The following EXOC4 variants were observed in gnomAD, a reference collection of about 807,000 sequenced individuals.
EXOC4 encodes SEC8-like 1.
EXOC4 carries 71 observed loss-of-function variants against 107.2 expected under a neutral mutation model. The ratio of observed to expected loss-of-function variants is 0.66; its 90% CI spans 0.55 to 0.81. The LOEUF is 0.81. EXOC4 is among the 30% of genes least tolerant of loss of function. EXOC4 has a pLI of 0.00. For synonymous variants in EXOC4, 456 were observed against 441.2 expected, an observed-to-expected ratio of 1.03 and a Z score of -0.42; for missense variants, 1,108 against 1,189.6, an observed-to-expected ratio of 0.93 and a Z score of 1.01.
At chr7:133,285,191 G>C (rs1794246830) in intron 2 of EXOC4, among the ~76,000 whole-genome samples, 1 of 152,076 alleles carries the variant, frequency 6.6e-6, no homozygotes, top group Non-Finnish European at 1.5e-5. Flanking sequence ...GTACATCTAA[G>C]CCATACAGCA....
intron 10 of EXOC4, among the ~76,000 whole-genome samples, chr7:133,752,030 G>T (rs1472560063): frequency 7.5e-6 from 1 of 133,816 alleles, no homozygotes; most frequent in African/African-American, 2.5e-5. Flanking sequence ...GGGCACTGTG[G>T]TATGCCTATA....
intron 5 of EXOC4, among the ~76,000 whole-genome samples, chr7:133,341,538 C>A (rs2150626819): frequency 6.6e-6 from 1 of 152,240 alleles, no homozygotes; most frequent in East Asian, 1.9e-4. Flanking sequence ...ACATAAATAT[C>A]TGTTATGTCC....
intron 7 of EXOC4, among the ~76,000 whole-genome samples, chr7:133,470,173 AAAT>A (rs1233661232): frequency 6.6e-6 from 1 of 152,198 alleles, no homozygotes; most frequent in African/African-American, 2.4e-5. Flanking sequence ...TAGCTGGGAT[AAAT>A]GGAGAAGCTA....
chr7:133,475,917 G>T (rs1007804092), intron 8 of EXOC4, among the ~76,000 whole-genome samples: 1 of 151,406 alleles, frequency 6.6e-6, no homozygotes, highest in Admixed American at 6.6e-5. Flanking sequence ...AACAATCTGG[G>T]TTTTTTTTTA....
intron 14 of EXOC4, among the ~76,000 whole-genome samples, chr7:133,968,054 T>C (rs1215193266): frequency 2.6e-5 from 4 of 152,256 alleles, no homozygotes; most frequent in Non-Finnish European, 5.9e-5. Flanking sequence ...TTAGCTCTTC[T>C]TGTTGCATTA....
chr7:134,066,249 G>C (rs1203037612), downstream of EXOC4: 1 of 152,156 alleles, frequency 6.6e-6, no homozygotes, highest in African/African-American at 2.4e-5. Context: ...TTTTCTTCCT[G>C]TCCACTCCAG....
intron 10 of EXOC4, among the ~76,000 whole-genome samples, chr7:133,642,017 T>C (rs567163601): frequency 6.6e-6 from 1 of 152,310 alleles, no homozygotes; most frequent in South Asian, 2.1e-4. Flanking sequence ...CTCAACTCAT[T>C]ATATTTTCTT....
At chr7:133,434,556 T>A (rs1797925427) in intron 7 of EXOC4, among the ~76,000 whole-genome samples, 3 of 152,190 alleles carry the variant, frequency 2.0e-5, no homozygotes, top group Admixed American at 6.5e-5. Context: ...TGGGGGCTGC[T>A]TTTATTTCCC....
chr7:133,687,991 C>CT (rs891662163), intron 10 of EXOC4, among the ~76,000 whole-genome samples: 2 of 152,070 alleles, frequency 1.3e-5, no homozygotes, highest in Admixed American at 6.6e-5. Flanking sequence ...GTGAAATTTA[C>CT]TTTTTTTAGG....
At chr7:133,735,312 G>A (rs1795422088) in intron 10 of EXOC4, among the ~76,000 whole-genome samples, 1 of 142,802 alleles carries the variant, frequency 7.0e-6, no homozygotes, top group East Asian at 2.1e-4. Context: ...TGAAACATCA[G>A]TTTAAGCAGT....
intron 11 of EXOC4, among the ~76,000 whole-genome samples, chr7:133,885,864 A>G (rs562994747): frequency 1.3e-5 from 2 of 151,922 alleles, no homozygotes; most frequent in African/African-American, 4.8e-5. Flanking sequence ...AATAACAATA[A>G]TAATAATTTT....
At chr7:133,354,771 ATGTCT>A (rs1795987638) in intron 5 of EXOC4, among the ~76,000 whole-genome samples, 1 of 152,164 alleles carries the variant, frequency 6.6e-6, no homozygotes, top group Admixed American at 6.5e-5. Flanking sequence ...AGGTACAGGG[ATGTCT>A]GCCACAGTGC....
chr7:133,551,900 C>A (rs1800596367), intron 9 of EXOC4: 1 of 152,128 alleles, frequency 6.6e-6, no homozygotes, highest in African/African-American at 2.4e-5. Flanking sequence ...GTGTTTCTAT[C>A]ACCTCATTAA....
chr7:133,781,661 G>C (rs1796469872), intron 10 of EXOC4, among the ~76,000 whole-genome samples: 1 of 152,190 alleles, frequency 6.6e-6, no homozygotes, highest in Non-Finnish European at 1.5e-5. Context: ...TCGTGGGAGA[G>C]ATTGATATGT....
chr7:133,478,264 T>C (rs1799067020), intron 8 of EXOC4, among the ~76,000 whole-genome samples: 1 of 149,602 alleles, frequency 6.7e-6, no homozygotes, highest in African/African-American at 2.5e-5. Context: ...TCAGACCACA[T>C]ACACATTTTC....
chr7:133,316,473 G>C (rs1004639541), intron 4 of EXOC4, among the ~76,000 whole-genome samples: 3 of 152,180 alleles, frequency 2.0e-5, no homozygotes, highest in Non-Finnish European at 4.4e-5. Flanking sequence ...TCCATTTCTT[G>C]AGAGCAGGGC....
chr7:133,318,343 A>AG (rs1795037840), intron 5 of EXOC4, among the ~76,000 whole-genome samples: 1 of 152,234 alleles, frequency 6.6e-6, no homozygotes, highest in South Asian at 2.1e-4. Context: ...GGATTGCCTT[A>AG]GGCTTGCCTT....
Position 133,823,825 on chromosome 7 carries a change from C to CAT in EXOC4, c.1734+6298_1734+6299dup, listed in dbSNP as rs1353272770. ...AGCAAGACTGTCTCAAAAATACATA[C>CAT]ATATATATATATATATATTATATAT... On this transcript the variant is annotated intron_variant, in intron 11 of 17. Transcript: ENST00000253861. Among the ~76,000 whole-genome samples, 49 of 46,896 alleles carry CAT rather than the reference C, an allele frequency of 1.0e-3. 2 individuals are homozygous for CAT. The highest frequency in any genetic ancestry group is 6.4e-3 in the Admixed American group (17 of 2,656). The allele number at this position is 46,896 out of a possible 152,430, so 30.8% of individuals were successfully genotyped here. A position where few individuals can be genotyped will look rare whatever the true frequency, so the allele number is the denominator to read the frequency against.
chr7:133,300,623 A>T (rs1198533227), intron 3 of EXOC4, among the ~76,000 whole-genome samples: 2 of 152,222 alleles, frequency 1.3e-5, no homozygotes, highest in African/African-American at 4.8e-5. Context: ...TTGCTTGCAC[A>T]TTTATGTCAC....
Sources: gnomAD v4.1 joint callset for allele counts (sites outside exome capture counted in the v4.1 genomes callset) on GRCh38, gnomAD v4.1.1 for gene constraint, MANE v1.5 for transcripts, NCBI Gene and HGNC (gene_info 2026-07-23, HGNC 2026-07-21) for gene names.